Variants in GANC observed in about 807,000 individuals in gnomAD.
GANC encodes glucosidase alpha, neutral C, also known as neutral alpha-glucosidase C.
Under a neutral mutation model 124.2 loss-of-function variants are expected in GANC, and 117 were observed. The observed-to-expected ratio is 0.94, with a 90% CI of 0.81 to 1.10. GANC has a LOEUF of 1.10. Among genes scored for constraint, GANC ranks in the 50% least tolerant of loss-of-function variants. The pLI, the probability that GANC is intolerant of heterozygous loss-of-function variation, is 0.00. For missense variants in GANC, 1,140 were observed against 1,095.0 expected, an observed-to-expected ratio of 1.04 and a Z score of -0.58; for synonymous variants, 377 against 376.8, an observed-to-expected ratio of 1.00 and a Z score of -0.01.
At chr15:42,311,027 G>A (rs2052045535) in intron 10 of GANC, among the ~76,000 whole-genome samples, 181 bp downstream of exon 10, 2 of 152,198 alleles carry the variant, frequency 1.3e-5, no homozygotes, top group African/African-American at 4.8e-5. Flanking sequence ...ACATTGCACT[G>A]GGTCTAGAAT....
rs376677815 is a variant in GANC, at chr15:42,352,398, C to G, written c.*259C>G. On this transcript the variant is annotated 3_prime_UTR_variant, in exon 24 of 24. Transcript: ENST00000318010. The stretch of plus-strand genomic sequence containing the variant: ...ATACATAGCCCTGAGACATTTATAG[C>G]GTTCAGGAGTCTTCTATTGCTTCCA... 8.2e-7 allele frequency: 1 copy of G among 1,217,112 alleles called. No homozygotes were observed. Among genetic ancestry groups the G allele is most frequent in the South Asian group, 2.0e-5 (1 of 50,560 alleles). The allele number at this position is 1,217,112 out of a possible 1,614,324, so 75.4% of individuals were successfully genotyped here. A position where few individuals can be genotyped will look rare whatever the true frequency, so the allele number is the denominator to read the frequency against.
At chr15:42,289,214 A>G (rs1021786222) in intron 4 of GANC, among the ~76,000 whole-genome samples, 2 of 152,172 alleles carry the variant, frequency 1.3e-5, no homozygotes, top group Non-Finnish European at 2.9e-5. Flanking sequence ...AGATGCACTT[A>G]AAAAAACCTT....
chr15:42,279,150 C>T (rs760634950), intron 3 of GANC, among the ~76,000 whole-genome samples: 3 of 152,098 alleles, frequency 2.0e-5, no homozygotes, highest in Non-Finnish European at 4.4e-5. Flanking sequence ...GTTTAGTCTT[C>T]GTAACACATC....
At chr15:42,300,396 A>G (rs11070372) in intron 6 of GANC, among the ~76,000 whole-genome samples, 138,298 of 152,062 alleles carry the variant, frequency 0.91, 64,253 homozygotes, top group Non-Finnish European at 1. Flanking sequence ...TCAAAACCAC[A>G]ATGAGATACC....
At position 42,330,614 on chromosome 15, in the gene GANC, A is replaced by G; in HGVS notation, c.1683A>G (p.Lys561=). 6.2e-7 allele frequency: 1 copy of G among 1,611,378 alleles called. No individual in the cohort carries two copies. The highest frequency in any genetic ancestry group is 8.5e-7 in the Non-Finnish European group (1 of 1,179,304). The part of the protein sequence containing the change: ...ATAEGLIKRS[K]GKERPFVLTR... ...CAGAAGGACTGATAAAACGATCTAA[A>G]GGGAAGGAGAGACCCTTTGTTCTTA... The change falls in exon 15 of 24, where the codon AAA becomes AAG. Residue 561 remains lysine (K), a synonymous_variant. Transcript: ENST00000318010.
At chr15:42,314,496 G>T in intron 10 of GANC, 1 of 259,540 alleles carries the variant, frequency 3.9e-6, no homozygotes, top group Non-Finnish European at 7.5e-6. Context: ...TGTTTCACTT[G>T]TTTTTATTTG....
intron 19 of GANC, among the ~76,000 whole-genome samples, chr15:42,344,248 A>C (rs2052347481): frequency 6.6e-6 from 1 of 152,200 alleles, no homozygotes; most frequent in Non-Finnish European, 1.5e-5. Context: ...TCTGAAATCA[A>C]GGTGTCATCA....
intron 10 of GANC, among the ~76,000 whole-genome samples, chr15:42,311,060 A>G (rs1294289574): frequency 2.0e-5 from 3 of 152,232 alleles, no homozygotes; most frequent in African/African-American, 7.2e-5. Flanking sequence ...AGTTCCTAAT[A>G]CTTGCCATCT....
rs150901490 is a variant in GANC, at chr15:42,323,168, A to G, written c.1293+1148A>G. Among the ~76,000 whole-genome samples the G allele has an allele frequency of 2.0e-3, 308 of 152,362 alleles. 1 individual carries two copies. The highest frequency in any genetic ancestry group is 6.9e-3 in the African/African-American group (287 of 41,588). On this transcript the variant is annotated intron_variant, in intron 11 of 23. Coordinates refer to ENST00000318010, the MANE Select transcript of GANC (RefSeq NM_198141.3). ...GAAGCTGAGGCTTAGACTGGTTTCA[A>G]AATTTACACAAAGGCACACAGTGAA...
rs75002497 is a variant in GANC at position 42,275,525 on chromosome 15, A to G, written c.30-823A>G. Among the ~76,000 whole-genome samples, 1,348 of 152,278 alleles carry G rather than the reference A, an allele frequency of 8.9e-3. 19 individuals are homozygous for G. The highest frequency in any genetic ancestry group is 0.031 in the African/African-American group (1,280 of 41,550). ...TTCAGTCATAGCTTTCTACATAATC[A>G]TGGACATGCTGACTACAGATGCATT... On this transcript the variant is annotated intron_variant, in intron 1 of 23. Coordinates refer to ENST00000318010, the MANE Select transcript of GANC (RefSeq NM_198141.3).
chr15:42,332,851 TAA>T (rs5812220), intron 15 of GANC, among the ~76,000 whole-genome samples: 90,095 of 120,374 alleles, frequency 0.75, 34,721 homozygotes, highest in Non-Finnish European at 0.86. Flanking sequence ...CTGTCTCTAC[TAA>T]AAAAAAAAAA....
chr15:42,351,975 T>G, intron 23 of GANC, 55 bp from the exon 24 acceptor site: 1 of 1,602,764 alleles, frequency 6.2e-7, no homozygotes, highest in Non-Finnish European at 8.5e-7. Flanking sequence ...GAGAAAAGAC[T>G]TTTCCCTTCT....
chr15:42,319,492 G>A (rs1303237776), intron 10 of GANC, among the ~76,000 whole-genome samples: 2 of 148,574 alleles, frequency 1.3e-5, no homozygotes, highest in Non-Finnish European at 3.0e-5. Flanking sequence ...CTGTGGGCAT[G>A]TGCTACATGC....
At position 42,343,096 on chromosome 15, in the gene GANC, A is replaced by T. The variant is rs1316306079; in HGVS notation, c.2171A>T (p.His724Leu). The T allele has an allele frequency of 1.9e-6, 3 of 1,613,942 alleles. No homozygotes were observed. Among genetic ancestry groups the T allele is most frequent in the Non-Finnish European group, 2.5e-6 (3 of 1,179,826 alleles). The change falls in exon 19 of 24, where the codon CAT becomes CTT. Residue 724 changes from histidine to leucine, a missense_variant. Coordinates refer to ENST00000318010, the MANE Select transcript of GANC (RefSeq NM_198141.3). ...TACTTAGGGAGTGCATTATTGGTTC[A>T]TCCAGTCACAGAACCAAAAGCCACC... ...EYMLGSALLVHPVTEPKATTV... is the reference protein window; with the variant it reads ...EYMLGSALLVLPVTEPKATTV...
At chr15:42,287,661 T>C (rs1296569648) in intron 3 of GANC, 30 bp from the exon 4 acceptor site, 1 of 1,598,718 alleles carries the variant, frequency 6.3e-7, no homozygotes, top group Non-Finnish European at 8.5e-7. Flanking sequence ...GGGTAACCTG[T>C]TGAAGGTAAT....
intron 10 of GANC, among the ~76,000 whole-genome samples, chr15:42,315,673 A>G (rs572740769): frequency 6.6e-6 from 1 of 152,224 alleles, no homozygotes; most frequent in East Asian, 1.9e-4. Flanking sequence ...CAGGTATTCA[A>G]ACACCAGTCT....
intron 10 of GANC, among the ~76,000 whole-genome samples, chr15:42,320,813 G>A (rs1659226): frequency 0.91 from 138,335 of 152,038 alleles, 64,292 homozygotes; most frequent in Non-Finnish European, 1. Flanking sequence ...TTTTGAGAGT[G>A]GGCATGTCTA....
At chr15:42,337,673 G>A (rs1194138805) in intron 15 of GANC, among the ~76,000 whole-genome samples, 7 of 152,124 alleles carry the variant, frequency 4.6e-5, no homozygotes, top group Admixed American at 6.5e-5. Context: ...TGTGACACAC[G>A]AGTTTACCAA....
At chr15:42,306,492 A>G in intron 6 of GANC, 54 bp from the exon 7 acceptor site, 1 of 1,376,906 alleles carries the variant, frequency 7.3e-7, no homozygotes, top group Non-Finnish European at 1.0e-6. Context: ...TATTGTGGTA[A>G]ACACATTTGT....
Sources: allele counts gnomAD v4.1 joint callset (sites outside exome capture counted in the v4.1 genomes callset), GRCh38; gene constraint gnomAD v4.1.1; transcripts MANE v1.5; gene names NCBI Gene and HGNC (gene_info 2026-07-23, HGNC 2026-07-21).